PEG3: variants seen among roughly 807,000 people sequenced by gnomAD.
PEG3 encodes the protein paternally-expressed gene 3 protein.
Under a neutral mutation model 35.5 loss-of-function variants are expected in PEG3, and 23 were observed. The ratio of observed to expected loss-of-function variants is 0.65; its 90% CI spans 0.47 to 0.92. PEG3 has a LOEUF of 0.92. Among genes scored for constraint, PEG3 ranks in the 40% least tolerant of loss-of-function variants. The pLI is 0.00. For synonymous variants in PEG3, 707 were observed against 697.0 expected (o/e 1.01, Z -0.23); for missense variants, 1,960 against 1,985.3 (o/e 0.99, Z 0.24).
intron 1 of PEG3, among the ~76,000 whole-genome samples, chr19:56,839,561 C>T (rs1469134164): frequency 6.7e-6 from 1 of 150,054 alleles, no homozygotes; most frequent in African/African-American, 2.5e-5. Flanking sequence ...TCAAAGCGGG[C>T]GGGGCCTGAG....
intron 7 of PEG3, 86 bp downstream of exon 7, chr19:56,821,565 G>C: frequency 1.3e-6 from 2 of 1,541,580 alleles, no homozygotes; most frequent in Non-Finnish European, 1.8e-6. Context: ...CTAGGGGGCA[G>C]ATAAACACAC....
rs2060834609 is a variant in PEG3 at position 56,824,581 on chromosome 19, A to C, written c.75T>G (p.Ser25Arg). Residue 25 changes from serine (S) to arginine (R), a missense_variant, in exon 4 of 10, where the codon AGT becomes AGG. Physicochemically the swap from Ser to Arg is moderately radical, Grantham distance 110. This residue lies in a region of PEG3 where 613 missense variants were observed against 577.1 expected (regional missense o/e 1.06). Transcript: ENST00000326441. ...TGACATCCGGCTCCTTAGTCAAGTC[A>C]CTGTCTAGCTCATACAGATTTGGGG... ...SWAPNLYELD[S>R]DLTKEPDVII... 4 of 1,614,118 alleles carry C rather than the reference A, an allele frequency of 2.5e-6. No individual in the cohort carries two copies. Among genetic ancestry groups the C allele is most frequent in the Non-Finnish European group, 3.4e-6 (4 of 1,180,016 alleles).
In PEG3 at chr19:56,816,921, A is replaced by G. The variant is rs2060032700; in HGVS notation, c.1521T>C (p.Cys507=). The change falls in exon 10 of 10, where the codon TGT becomes TGC. Residue 507 remains cysteine (C), a synonymous_variant. Transcript: ENST00000326441. ...KSQVGGKRFE[C]KDCGETFNKS... ...TATTGAAGGTCTCTCCACAGTCCTT[A>G]CATTCAAAACGTTTCCCTCCAACCT... 6.2e-7 allele frequency: 1 copy of G among 1,614,208 alleles called. No homozygotes were observed. The highest frequency in any genetic ancestry group is 8.5e-7 in the Non-Finnish European group (1 of 1,180,036).
In PEG3 at chr19:56,816,418, C is replaced by G; in HGVS notation, c.2024G>C (p.Arg675Pro). The change falls in exon 10 of 10, where the codon CGT becomes CCT. Residue 675 changes from arginine to proline, a missense_variant. Physicochemically the swap from Arg to Pro is moderately radical, Grantham distance 103. Transcript: ENST00000326441. ...CTTCTCCTTATTGTAAGTTTTCTGACGCCTTTTAAGGGACTGACCAGGAAT... is the reference window on the plus strand; with the variant it reads ...CTTCTCCTTATTGTAAGTTTTCTGAGGCCTTTTAAGGGACTGACCAGGAAT... ...TFIPGQSLKR[R>P]QKTYNKEKLC... The G allele has an allele frequency of 6.2e-7, 1 of 1,613,936 alleles. No individual in the cohort carries two copies. The highest frequency in any genetic ancestry group is 8.5e-7 in the Non-Finnish European group (1 of 1,179,828).
rs573929050 is a variant in PEG3 at position 56,813,222 on chromosome 19, G to T, written c.*453C>A. On this transcript the variant is annotated 3_prime_UTR_variant, in exon 10 of 10. Coordinates refer to ENST00000326441, the MANE Select transcript of PEG3 (RefSeq NM_006210.3). ...CCTCCAAAAAAAAAAAAAATTCAAA[G>T]AATACCAGGTAAGGTACCTCTGCAG... 1,322 of 964,166 alleles carry T rather than the reference G, an allele frequency of 1.4e-3. 18 individuals are homozygous for T. The African/African-American group carries it at 0.022, about 16-fold the overall frequency. The allele number at this position is 964,166 out of a possible 1,614,324, so 59.7% of individuals were successfully genotyped here.
In PEG3 at chr19:56,830,791, C is replaced by T. The variant is rs151067444; in HGVS notation, c.-162-4328G>A. On this transcript the variant is annotated intron_variant, in intron 2 of 9. Transcript: ENST00000326441. The stretch of plus-strand genomic sequence containing the variant: ...TTACAGAAGGAACACAAAAATTAGC[C>T]GGGTGTGGTGGCATGAGCCTGTAAT... Among the ~76,000 whole-genome samples the T allele has an allele frequency of 7.1e-3, 1,081 of 151,956 alleles. 10 individuals carry two copies. Among genetic ancestry groups the T allele is most frequent in the African/African-American group, 0.025 (1,018 of 41,428 alleles).
chr19:56,838,301 C>A (rs2062434231), intron 1 of PEG3, among the ~76,000 whole-genome samples: 1 of 152,208 alleles, frequency 6.6e-6, no homozygotes, highest in African/African-American at 2.4e-5. Context: ...CTCATGCCCG[C>A]CCCTGGGGCC....
At chr19:56,839,368 C>G (rs572790462) in intron 1 of PEG3, among the ~76,000 whole-genome samples, 42 of 151,052 alleles carry the variant, frequency 2.8e-4, no homozygotes, top group African/African-American at 6.6e-4. Context: ...CCAACCAGGG[C>G]AGCACCTGCA....
Position 56,811,089 on chromosome 19 carries a change from T to TG in PEG3, c.*2585dup. 3 of 984,736 alleles carry TG rather than the reference T, an allele frequency of 3.0e-6. No individual in the cohort carries two copies. The highest frequency in any genetic ancestry group is 3.6e-6 in the Non-Finnish European group (3 of 829,362). 61.0% of individuals were successfully genotyped at this position (984,736 alleles called of 1,614,324 possible). A position where few individuals can be genotyped will look rare whatever the true frequency, so the allele number is the denominator to read the frequency against. Reference sequence around the variant, plus strand: ...GAGGAGAGTATATGTCTTTGGATGGTGGGGATATGATTTTTTTTCCTCCAC... The same window carrying TG: ...GAGGAGAGTATATGTCTTTGGATGGTGGGGGATATGATTTTTTTTCCTCCAC... On this transcript the variant is annotated 3_prime_UTR_variant, in exon 10 of 10. Coordinates refer to ENST00000326441, the MANE Select transcript of PEG3 (RefSeq NM_006210.3).
chr19:56,836,188 C>A, intron 1 of PEG3, 84 bp from the exon 2 acceptor site: 1 of 397,214 alleles, frequency 2.5e-6, no homozygotes. Context: ...CACAACAGTT[C>A]CACATTTATC....
In PEG3 at chr19:56,822,766, C is replaced by G; in HGVS notation, c.552G>C (p.Arg184Ser). ...MEPRDRWSHT[R>S]NPRSRMPPRD... ...GTTAAGACTCACTGCTTCTTGGGTT[C>G]CTGGTGTGGGACCAGCGGTCTCGTG... The change falls in exon 6 of 10, where the codon AGG becomes AGC. Residue 184 changes from arginine to serine, a missense_variant. Transcript: ENST00000326441. 1 of 1,614,118 alleles carries G rather than the reference C, an allele frequency of 6.2e-7. No homozygotes were observed.
intron 5 of PEG3, among the ~76,000 whole-genome samples, 164 bp from the exon 6 acceptor site, chr19:56,823,000 T>C (rs1357022419): frequency 6.6e-6 from 1 of 152,150 alleles, no homozygotes; most frequent in Admixed American, 6.5e-5. Context: ...GGCCCCTTCT[T>C]TATCATATAC....
chr19:56,822,844 G>A lies in PEG3; in HGVS notation c.482-8C>T, dbSNP rs924767850. ...GGTCCCAGTCCCGGTCACCTAAGCAGGTGAGACATTCCAGTGGTTAACAAA... is the reference window on the plus strand; with the variant it reads ...GGTCCCAGTCCCGGTCACCTAAGCAAGTGAGACATTCCAGTGGTTAACAAA... On this transcript the variant is annotated splice_region_variant and splice_polypyrimidine_tract_variant and intron_variant, in intron 5 of 9. Transcript: ENST00000326441. 4 of 1,612,258 alleles carry A rather than the reference G, an allele frequency of 2.5e-6. No individual in the cohort carries two copies. The highest frequency in any genetic ancestry group is 1.3e-5 in the African/African-American group (1 of 74,880).
intron 4 of PEG3, among the ~76,000 whole-genome samples, chr19:56,823,938 A>G (rs932249660): frequency 3.5e-4 from 53 of 152,054 alleles, no homozygotes; most frequent in African/African-American, 1.3e-3. Context: ...CTCCTAGCAC[A>G]CCACACCAAA....
chr19:56,813,031 T>G lies in PEG3; in HGVS notation c.*644A>C, dbSNP rs1433053994. On this transcript the variant is annotated 3_prime_UTR_variant, in exon 10 of 10. Transcript: ENST00000326441. Reference sequence around the variant, plus strand: ...ACTTATCTTTTCAAACAGTAAGGAGTAAAAGCCATGTTATCTATCATGCCT... The same window carrying G: ...ACTTATCTTTTCAAACAGTAAGGAGGAAAAGCCATGTTATCTATCATGCCT... 1 of 985,226 alleles carries G rather than the reference T, an allele frequency of 1.0e-6. No homozygotes were observed. The highest frequency in any genetic ancestry group is 1.2e-6 in the Non-Finnish European group (1 of 829,670). 61.0% of individuals were successfully genotyped at this position (985,226 alleles called of 1,614,324 possible).
At position 56,816,867 on chromosome 19, in the gene PEG3, C is replaced by G; in HGVS notation, c.1575G>C (p.Lys525Asn). The change falls in exon 10 of 10, where the codon AAG (lysine) becomes AAC (asparagine). Residue 525 changes from lysine (K) to asparagine (N), a missense_variant. Lys to Asn is a moderately conservative substitution (Grantham distance 94). Around this residue, in one of 5 missense-constraint regions of PEG3, gnomAD observed 798 missense variants for 782.4 expected, o/e 1.02. Coordinates refer to ENST00000326441, the MANE Select transcript of PEG3 (RefSeq NM_006210.3). ...CCACAAGATAACCTCTAGCATGAAT[C>G]TTCCGATGTTCAGCCAAGGCGGCAC... ...NKSAALAEHR[K>N]IHARGYLVEC... is the part of the protein sequence containing the mutation. 1 of 1,614,150 alleles carries G rather than the reference C, an allele frequency of 6.2e-7. No homozygotes were observed. Among genetic ancestry groups the G allele is most frequent in the Non-Finnish European group, 8.5e-7 (1 of 1,179,980 alleles).
intron 7 of PEG3, among the ~76,000 whole-genome samples, chr19:56,820,878 G>A (rs2060419380): frequency 6.6e-6 from 1 of 152,188 alleles, no homozygotes; most frequent in Admixed American, 6.5e-5. Context: ...ACTGATATGT[G>A]AAGGAAAGGA....
chr19:56,838,537 A>G (rs1163249121), intron 1 of PEG3, among the ~76,000 whole-genome samples: 1 of 152,122 alleles, frequency 6.6e-6, no homozygotes, highest in African/African-American at 2.4e-5. Context: ...CATACACAAG[A>G]TGGAACCACA....
In PEG3 at chr19:56,811,737, TCA is replaced by T. The variant is rs2146087167; in HGVS notation, c.*1936_*1937del. 11 of 985,586 alleles carry T rather than the reference TCA, an allele frequency of 1.1e-5. No individual in the cohort carries two copies. The South Asian group carries it at 4.7e-4, about 42-fold the overall frequency. The allele number at this position is 985,586 out of a possible 1,614,324, so 61.1% of individuals were successfully genotyped here. ...AGCTTTCCCGATGTCCGTTCCAACCTCAGTCCTTCCTATGCAGCCAGCCCTCA... is the reference window on the plus strand; with the variant it reads ...AGCTTTCCCGATGTCCGTTCCAACCTGTCCTTCCTATGCAGCCAGCCCTCA... On this transcript the variant is annotated 3_prime_UTR_variant, in exon 10 of 10. Coordinates refer to ENST00000326441, the MANE Select transcript of PEG3 (RefSeq NM_006210.3).
Sources: gnomAD v4.1 joint callset for allele counts (sites outside exome capture counted in the v4.1 genomes callset) on GRCh38, gnomAD v4.1.1 for gene constraint, gnomAD v4.1.1 regional missense constraint, MANE v1.5 for transcripts, NCBI Gene and HGNC (gene_info 2026-07-23, HGNC 2026-07-21) for gene names.